The following KLF15 variants were observed in gnomAD, a reference collection of about 807,000 sequenced individuals.
The protein encoded by KLF15 is Krueppel-like factor 15.
Under a neutral mutation model 24.6 loss-of-function variants are expected in KLF15, and 4 were observed. That is an observed-to-expected ratio of 0.16 (90% CI 0.08 to 0.37). The LOEUF is 0.37. Among genes scored for constraint, KLF15 ranks in the 10% least tolerant of loss-of-function variants. KLF15 has a pLI of 1.00. For missense variants in KLF15, 496 were observed against 560.6 expected, an observed-to-expected ratio of 0.88 and a Z score of 1.16; for synonymous variants, 246 against 236.3, an observed-to-expected ratio of 1.04 and a Z score of -0.37.
At chr3:126,334,305 C>A in the KLF15 span, among the ~76,000 whole-genome samples, 4 of 148,080 alleles carry the variant, frequency 2.7e-5, no homozygotes, top group Non-Finnish European at 4.5e-5. Flanking sequence ...AACTGAACAA[C>A]CTGCTCCTGA....
chr3:126,342,459 G>C (rs2082486488), downstream of KLF15, among the ~76,000 whole-genome samples: 1 of 152,172 alleles, frequency 6.6e-6, no homozygotes, highest in Non-Finnish European at 1.5e-5. Flanking sequence ...GCCTGGAGCT[G>C]AGCTGTATGG....
At chr3:126,309,561 G>A in the KLF15 span, among the ~76,000 whole-genome samples, 4 of 152,206 alleles carry the variant, frequency 2.6e-5, no homozygotes, top group African/African-American at 7.2e-5. Flanking sequence ...TTTATTAATC[G>A]GCGCACACAT....
Position 126,343,735 on chromosome 3 carries a change from C to CGGAG in KLF15, c.1239_1242dup (p.Val415LeufsTer8), listed in dbSNP as rs1164423328. The CGGAG allele has an allele frequency of 6.2e-7, 1 of 1,610,766 alleles. No individual in the cohort carries two copies. Among genetic ancestry groups the CGGAG allele is most frequent in the South Asian group, 1.1e-5 (1 of 90,744 alleles). ...TGGGGTTCAGGGCGCTTTCAGTTCA[C>CGGAG]GGAGCGCACGGAGCGGCTGCTCCGC... is the stretch of plus-strand genomic sequence containing the variant. On this transcript the variant is annotated frameshift_variant, in exon 3 of 3. Transcript: ENST00000296233. LOFTEE classifies it high-confidence loss of function.
chr3:126,338,582 G>C (rs2082456426), downstream of KLF15, among the ~76,000 whole-genome samples: 2 of 152,106 alleles, frequency 1.3e-5, no homozygotes, highest in South Asian at 4.1e-4. Flanking sequence ...CAATTTCCCT[G>C]TCTGTTCATA....
chr3:126,330,299 G>C, the KLF15 span, among the ~76,000 whole-genome samples: 1 of 152,236 alleles, frequency 6.6e-6, no homozygotes, highest in African/African-American at 2.4e-5. Flanking sequence ...AATCAGGACT[G>C]TTTCAGAGCA....
At chr3:126,344,002 G>C in intron 2 of KLF15, 107 bp from the exon 3 acceptor site, 1 of 1,221,316 alleles carries the variant, frequency 8.2e-7, no homozygotes, top group Non-Finnish European at 1.1e-6. Context: ...CTCACCCAAA[G>C]GGTGGCTGCG....
chr3:126,321,036 G>A, the KLF15 span, among the ~76,000 whole-genome samples: 1 of 151,862 alleles, frequency 6.6e-6, no homozygotes, highest in Non-Finnish European at 1.5e-5. Context: ...GAGCTGGCGG[G>A]GACTTGATCC....
the KLF15 span, among the ~76,000 whole-genome samples, chr3:126,298,974 T>G: frequency 6.6e-6 from 1 of 152,164 alleles, no homozygotes; most frequent in Non-Finnish European, 1.5e-5. Flanking sequence ...TATATAAATT[T>G]TAGGATTGTT....
the KLF15 span, among the ~76,000 whole-genome samples, chr3:126,311,330 C>T: frequency 1.3e-5 from 2 of 152,216 alleles, no homozygotes; most frequent in Non-Finnish European, 2.9e-5. Flanking sequence ...AACCAAGCTC[C>T]TACTGTCCTT....
At chr3:126,307,728 G>C in the KLF15 span, among the ~76,000 whole-genome samples, 1 of 152,164 alleles carries the variant, frequency 6.6e-6, no homozygotes, top group African/African-American at 2.4e-5. Flanking sequence ...GGTCATGTTG[G>C]GCCTCTGCTG....
rs144599880 is a variant in KLF15, at chr3:126,348,720, G to A, written c.1082+3121C>T. The stretch of plus-strand genomic sequence containing the variant: ...GCACAGAGAGGGCGGATGCCCACGC[G>A]GGAGCCTGAGCCACAGCAGGGAGGC... On this transcript the variant is annotated intron_variant, in intron 2 of 2. Transcript: ENST00000296233. Among the ~76,000 whole-genome samples the A allele has an allele frequency of 7.4e-4, 113 of 152,350 alleles. 2 individuals carry two copies. The East Asian group carries it at 0.019, about 25-fold the overall frequency.
At chr3:126,296,398 G>A in the KLF15 span, among the ~76,000 whole-genome samples, 16 of 152,228 alleles carry the variant, frequency 1.1e-4, no homozygotes, top group Middle Eastern at 3.4e-3. Context: ...TAATACAGAC[G>A]GGGTTTCACC....
At chr3:126,347,987 G>T (rs937447854) in intron 2 of KLF15, among the ~76,000 whole-genome samples, 1 of 152,174 alleles carries the variant, frequency 6.6e-6, no homozygotes, top group Non-Finnish European at 1.5e-5. Context: ...GAAGAGACGC[G>T]GCCTGGGAGT....
the KLF15 span, among the ~76,000 whole-genome samples, chr3:126,320,104 G>A: frequency 2.6e-5 from 4 of 152,188 alleles, no homozygotes; most frequent in African/African-American, 9.7e-5. Context: ...GGCCAAGGAG[G>A]TAACATAAAT....
rs574272481 is a variant in KLF15, at chr3:126,345,601, GCA to G, written c.1083-1708_1083-1707del. On this transcript the variant is annotated intron_variant, in intron 2 of 2. Coordinates refer to ENST00000296233, the MANE Select transcript of KLF15 (RefSeq NM_014079.4). ...CAAATTCATGCCCCCATGTACTCAC[GCA>G]CACACACACACACAGGGACACGAGG... Among the ~76,000 whole-genome samples the G allele has an allele frequency of 2.7e-4, 41 of 149,254 alleles. 1 individual carries two copies. The highest frequency in any genetic ancestry group is 2.5e-3 in the Admixed American group (38 of 14,954).
At chr3:126,291,633 T>G in the KLF15 span, among the ~76,000 whole-genome samples, 1 of 152,258 alleles carries the variant, frequency 6.6e-6, no homozygotes, top group African/African-American at 2.4e-5. Context: ...CCCAGGTGGC[T>G]GCGTCCCGGC....
the KLF15 span, among the ~76,000 whole-genome samples, chr3:126,335,416 A>T: frequency 4.9e-4 from 69 of 141,064 alleles, no homozygotes; most frequent in African/African-American, 1.8e-3. Context: ...TATTGATGGG[A>T]TGTATTTCAA....
At chr3:126,304,922 A>C in the KLF15 span, among the ~76,000 whole-genome samples, 1 of 152,250 alleles carries the variant, frequency 6.6e-6, no homozygotes, top group Non-Finnish European at 1.5e-5. Context: ...TAACATATCA[A>C]ATGTTAGTTG....
chr3:126,351,999 C>G lies in KLF15; in HGVS notation c.924G>C (p.Lys308Asn). ...GTTCTGCGGCTGGGTTCTTGGGGAACTTCTGGCCCATGAGGAGACCGGCAG... is the reference window on the plus strand; with the variant it reads ...GTTCTGCGGCTGGGTTCTTGGGGAAGTTCTGGCCCATGAGGAGACCGGCAG... ...PGPAGLLMGQ[K>N]FPKNPAAELI... Residue 308 changes from lysine to asparagine, a missense_variant, in exon 2 of 3, where the codon AAG (lysine) becomes AAC (asparagine). Transcript: ENST00000296233. 1 of 1,574,324 alleles carries G rather than the reference C, an allele frequency of 6.4e-7. No individual in the cohort carries two copies. The highest frequency in any genetic ancestry group is 8.6e-7 in the Non-Finnish European group (1 of 1,160,084).
Sources: allele counts gnomAD v4.1 joint callset (sites outside exome capture counted in the v4.1 genomes callset), GRCh38; gene constraint gnomAD v4.1.1; transcripts MANE v1.5; gene names NCBI Gene and HGNC (gene_info 2026-07-23, HGNC 2026-07-21).